Variants in CTNNA2 observed in about 807,000 individuals in gnomAD.
CTNNA2 encodes catenin alpha-2.
Under a neutral mutation model 101.0 loss-of-function variants are expected in CTNNA2, and 42 were observed. The observed-to-expected ratio is 0.42, with a 90% CI of 0.32 to 0.54. The LOEUF (loss-of-function observed/expected upper bound fraction) is 0.54, where lower values mean the gene tolerates loss of function less well. Among genes scored for constraint, CTNNA2 ranks in the 20% least tolerant of loss-of-function variants. CTNNA2 has a pLI of 0.14. For missense variants in CTNNA2, 871 were observed against 1,223.1 expected (o/e 0.71, Z 4.29); for synonymous variants, 450 against 456.4 (o/e 0.99, Z 0.18).
intron 1 of CTNNA2, among the ~76,000 whole-genome samples, chr2:79,527,161 C>G (rs745848439): frequency 4.1e-4 from 63 of 151,884 alleles, no homozygotes; most frequent in Non-Finnish European, 7.4e-4. Flanking sequence ...ATGATTACAG[C>G]TTAATAGTAA....
At chr2:80,641,862 G>A (rs1010628235) in intron 18 of CTNNA2, among the ~76,000 whole-genome samples, 3 of 152,050 alleles carry the variant, frequency 2.0e-5, no homozygotes, top group Non-Finnish European at 4.4e-5. Flanking sequence ...GAACTTTTGT[G>A]TATGGATTTA....
At position 80,474,908 on chromosome 2, in the gene CTNNA2, C is replaced by A. The variant is rs192886222; in HGVS notation, c.1290+55307C>A. Among the ~76,000 whole-genome samples the A allele has an allele frequency of 5.6e-3, 850 of 152,236 alleles. 5 individuals are homozygous for A. Among genetic ancestry groups the A allele is most frequent in the Non-Finnish European group, 9.0e-3 (615 of 68,026 alleles). On this transcript the variant is annotated intron_variant, in intron 9 of 18. Transcript: ENST00000402739. The stretch of plus-strand genomic sequence containing the variant: ...GAGAATTGAAGAGCACATGGTTTGC[C>A]ATTCATCGGAAGGTCAAACCCAAGA...
intron 7 of CTNNA2, among the ~76,000 whole-genome samples, chr2:80,254,590 A>G (rs1461929371): frequency 6.6e-6 from 1 of 152,134 alleles, no homozygotes; most frequent in Non-Finnish European, 1.5e-5. Context: ...CAGCCTAGGA[A>G]GAAGACAGAT....
intron 3 of CTNNA2, among the ~76,000 whole-genome samples, chr2:79,785,022 TTAAAA>T (rs1341630426): frequency 6.6e-6 from 1 of 152,170 alleles, no homozygotes; most frequent in African/African-American, 2.4e-5. Flanking sequence ...GATACCTATG[TTAAAA>T]TAATATGGAC....
chr2:80,599,699 G>A (rs961797314), intron 15 of CTNNA2, among the ~76,000 whole-genome samples: 16 of 152,016 alleles, frequency 1.1e-4, no homozygotes, highest in African/African-American at 3.4e-4. Flanking sequence ...AGATATTCAG[G>A]ATTTCCCAGA....
intron 12 of CTNNA2, among the ~76,000 whole-genome samples, chr2:80,567,178 C>T (rs1694136487): frequency 6.6e-6 from 1 of 152,088 alleles, no homozygotes; most frequent in Admixed American, 6.6e-5. Context: ...TTTAAAGTCC[C>T]CCGTGTAGGG....
intron 4 of CTNNA2, among the ~76,000 whole-genome samples, chr2:79,408,344 T>C (rs968683974): frequency 1.3e-5 from 2 of 151,468 alleles, no homozygotes; most frequent in Non-Finnish European, 2.9e-5. Context: ...AGGGTACATG[T>C]ACACAATGTG....
At chr2:79,368,516 T>C (rs1007683840) in intron 3 of CTNNA2, among the ~76,000 whole-genome samples, 1 of 152,224 alleles carries the variant, frequency 6.6e-6, no homozygotes, top group Non-Finnish European at 1.5e-5. Flanking sequence ...TCTTTTTCAA[T>C]GTTATCTGAT....
intron 12 of CTNNA2, among the ~76,000 whole-genome samples, chr2:80,566,938 A>C (rs1467386469): frequency 6.6e-6 from 1 of 152,174 alleles, no homozygotes; most frequent in Non-Finnish European, 1.5e-5. Context: ...ATTCGAGTGC[A>C]TGTGTGTAAA....
chr2:79,983,401 CTG>C (rs1691526837), intron 7 of CTNNA2, among the ~76,000 whole-genome samples: 3 of 151,990 alleles, frequency 2.0e-5, no homozygotes, highest in Non-Finnish European at 2.9e-5. Flanking sequence ...TTTATAAACA[CTG>C]TGAAGAAACT....
At chr2:80,008,572 A>G (rs1693545541) in intron 7 of CTNNA2, among the ~76,000 whole-genome samples, 1 of 152,220 alleles carries the variant, frequency 6.6e-6, no homozygotes, top group Non-Finnish European at 1.5e-5. Flanking sequence ...CAGTGGACCC[A>G]GATTCAAGGA....
At chr2:79,695,722 C>T (rs1198190527) in intron 2 of CTNNA2, among the ~76,000 whole-genome samples, 2 of 151,878 alleles carry the variant, frequency 1.3e-5, no homozygotes, top group Non-Finnish European at 2.9e-5. Context: ...ATGCTGGTTT[C>T]GTTTTAGCCC....
chr2:79,880,457 T>A (rs1683344131), intron 6 of CTNNA2, among the ~76,000 whole-genome samples: 1 of 152,162 alleles, frequency 6.6e-6, no homozygotes, highest in Non-Finnish European at 1.5e-5. Context: ...TGGGCTTTTT[T>A]TGGTTGGTAG....
chr2:80,311,101 T>C (rs573742600), intron 7 of CTNNA2, among the ~76,000 whole-genome samples: 2 of 152,304 alleles, frequency 1.3e-5, no homozygotes, highest in Non-Finnish European at 2.9e-5. Context: ...TTTCAGAATT[T>C]GTCTGCTCTT....
At chr2:79,462,001 T>G (rs1338789979) in intron 4 of CTNNA2, among the ~76,000 whole-genome samples, 3 of 151,922 alleles carry the variant, frequency 2.0e-5, no homozygotes, top group Non-Finnish European at 4.4e-5. Flanking sequence ...TACAGGCAAA[T>G]GTACAGTGTG....
chr2:79,720,558 G>A (rs1264378658), intron 2 of CTNNA2, among the ~76,000 whole-genome samples: 1 of 151,962 alleles, frequency 6.6e-6, no homozygotes, highest in Admixed American at 6.6e-5. Flanking sequence ...TGTTTTCTCT[G>A]AATTCTGTCA....
At chr2:80,148,694 G>A (rs528847835) in intron 7 of CTNNA2, among the ~76,000 whole-genome samples, 22 of 152,278 alleles carry the variant, frequency 1.4e-4, no homozygotes, top group African/African-American at 5.3e-4. Flanking sequence ...GTTTATGAAC[G>A]TATGCCATAT....
chr2:80,351,788 GT>G (rs1437694041), intron 7 of CTNNA2, among the ~76,000 whole-genome samples: 1 of 152,088 alleles, frequency 6.6e-6, no homozygotes, highest in African/African-American at 2.4e-5. Flanking sequence ...TAGTCTACCA[GT>G]TTGGGCTAAT....
chr2:79,465,587 C>T (rs947210098), intron 4 of CTNNA2, among the ~76,000 whole-genome samples: 2 of 152,188 alleles, frequency 1.3e-5, no homozygotes, highest in African/African-American at 4.8e-5. Flanking sequence ...TGGCCATTTT[C>T]ATGATATTGA....
Sources: allele counts gnomAD v4.1 joint callset (sites outside exome capture counted in the v4.1 genomes callset), GRCh38; gene constraint gnomAD v4.1.1; transcripts MANE v1.5; gene names NCBI Gene and HGNC (gene_info 2026-07-23, HGNC 2026-07-21).